Variants in EBF1 observed in about 807,000 individuals in gnomAD.
EBF1 encodes the protein transcription factor COE1.
A neutral mutation model predicts 68.4 loss-of-function variants in EBF1; 10 were observed. The ratio of observed to expected loss-of-function variants is 0.15; its 90% CI spans 0.09 to 0.25. EBF1 has a LOEUF of 0.25. EBF1 is among the 10% of genes least tolerant of loss of function. The probability of loss-of-function intolerance (pLI) is 1.00; values close to 1 mark genes in which losing one functional copy is unlikely to be tolerated. For missense variants in EBF1, 509 were observed against 794.4 expected, an observed-to-expected ratio of 0.64 and a Z score of 4.32; for synonymous variants, 298 against 299.8, an observed-to-expected ratio of 0.99 and a Z score of 0.06.
intron 5 of EBF1, among the ~76,000 whole-genome samples, chr5:159,075,252 C>T (rs1472253276): frequency 6.6e-6 from 1 of 152,142 alleles, no homozygotes; most frequent in Non-Finnish European, 1.5e-5. Flanking sequence ...TCACTAAAGC[C>T]ACAATGAAGC....
At chr5:158,769,929 C>T (rs188568120) in intron 10 of EBF1, among the ~76,000 whole-genome samples, 179 of 152,270 alleles carry the variant, frequency 1.2e-3, no homozygotes, top group Non-Finnish European at 2.1e-3. Flanking sequence ...GGCAGAGCTG[C>T]TAGTCAAGTA....
rs186919986 is a variant in EBF1 at position 158,850,477 on chromosome 5, A to G, written c.555-10367T>C. On this transcript the variant is annotated intron_variant, in intron 6 of 15. Transcript: ENST00000313708. ...ACCTCAGAAACTTGTCCTGGCAGAG[A>G]GAAAGTAGGAACTGTATGAAAATTT... Among the ~76,000 whole-genome samples, 6 of 152,322 alleles carry G rather than the reference A, an allele frequency of 3.9e-5. No homozygotes were observed. In the East Asian group the frequency reaches 1.2e-3, roughly 29 times the overall value.
intron 9 of EBF1, among the ~76,000 whole-genome samples, chr5:158,782,743 G>A (rs977883394): frequency 3.9e-5 from 6 of 152,020 alleles, no homozygotes; most frequent in African/African-American, 7.2e-5. Context: ...AATATTTCTG[G>A]AATAAATATT....
intron 6 of EBF1, among the ~76,000 whole-genome samples, chr5:158,844,205 T>TTTC (rs1790932831): frequency 6.6e-6 from 1 of 151,450 alleles, no homozygotes; most frequent in Non-Finnish European, 1.5e-5. Flanking sequence ...TTTTTTTTTT[T>TTTC]TGAGGGGGAA....
chr5:159,070,829 C>G (rs1777667389), intron 6 of EBF1, among the ~76,000 whole-genome samples: 1 of 152,094 alleles, frequency 6.6e-6, no homozygotes, highest in South Asian at 2.1e-4. Flanking sequence ...CCTATTTTCA[C>G]AAAATATTCA....
At chr5:159,008,769 T>A in intron 6 of EBF1, among the ~76,000 whole-genome samples, 1 of 152,154 alleles carries the variant, frequency 6.6e-6, no homozygotes, top group East Asian at 1.9e-4. Flanking sequence ...ACTCCTGACC[T>A]GACGTGATTC....
chr5:158,714,252 A>G lies in EBF1; in HGVS notation c.1126-70T>C, dbSNP rs2127494635. ...TGTCGTTATCTTTTGACATGATCAC[A>G]TTCCAGTCCCTCTGGCCATACTTTG... On this transcript the variant is annotated intron_variant, in intron 11 of 15. Transcript: ENST00000313708. 3 of 1,562,404 alleles carry G rather than the reference A, an allele frequency of 1.9e-6. No individual in the cohort carries two copies. In the Admixed American group the frequency reaches 5.0e-5, roughly 26 times the overall value.
At chr5:158,838,371 G>A (rs1002806862) in intron 7 of EBF1, among the ~76,000 whole-genome samples, 34 of 151,142 alleles carry the variant, frequency 2.2e-4, no homozygotes, top group Non-Finnish European at 4.0e-4. Flanking sequence ...GCATGAACCC[G>A]GGAGGCAGAG....
At chr5:158,926,637 T>C (rs761679239) in intron 6 of EBF1, among the ~76,000 whole-genome samples, 3 of 149,190 alleles carry the variant, frequency 2.0e-5, no homozygotes, top group Non-Finnish European at 3.0e-5. Flanking sequence ...GGCAGAAGAA[T>C]CGCTTGAACC....
intron 9 of EBF1, among the ~76,000 whole-genome samples, chr5:158,794,234 C>T (rs1779213957): frequency 6.6e-6 from 1 of 152,082 alleles, no homozygotes; most frequent in African/African-American, 2.4e-5. Flanking sequence ...AAGAGGGGCT[C>T]CTGGCACACA....
intron 7 of EBF1, among the ~76,000 whole-genome samples, chr5:158,826,226 G>A (rs74590973): frequency 0.052 from 7,980 of 152,012 alleles, 301 homozygotes; most frequent in Non-Finnish European, 0.082. Flanking sequence ...CAGATGATGA[G>A]AATACGAAGG....
chr5:158,739,971 A>G (rs1765961073), intron 10 of EBF1, among the ~76,000 whole-genome samples: 2 of 152,156 alleles, frequency 1.3e-5, no homozygotes, highest in East Asian at 1.9e-4. Flanking sequence ...CTTGTTTTCA[A>G]TCATGCTTGG....
chr5:158,712,828 A>G (rs887168503), intron 13 of EBF1, 142 bp downstream of exon 13: 1 of 819,670 alleles, frequency 1.2e-6, no homozygotes, highest in Middle Eastern at 3.8e-4. Context: ...CCAATATTGT[A>G]CAATAATATC....
chr5:159,030,152 C>T (rs1768484890), intron 6 of EBF1, among the ~76,000 whole-genome samples: 1 of 151,508 alleles, frequency 6.6e-6, no homozygotes, highest in Non-Finnish European at 1.5e-5. Context: ...AAACAAAGAA[C>T]ACAAAATTGT....
chr5:158,998,341 C>T (rs1425261742), intron 6 of EBF1, among the ~76,000 whole-genome samples: 2 of 152,150 alleles, frequency 1.3e-5, no homozygotes, highest in Non-Finnish European at 1.5e-5. Context: ...AAAACTGCCC[C>T]TACTCCGCAA....
intron 8 of EBF1, among the ~76,000 whole-genome samples, chr5:158,820,688 C>G (rs1784648781): frequency 6.6e-6 from 1 of 152,186 alleles, no homozygotes; most frequent in African/African-American, 2.4e-5. Flanking sequence ...ACCACTTACA[C>G]AGTGAAATGT....
intron 10 of EBF1, among the ~76,000 whole-genome samples, chr5:158,745,367 T>C (rs1255247878): frequency 6.6e-6 from 1 of 152,162 alleles, no homozygotes; most frequent in Non-Finnish European, 1.5e-5. Flanking sequence ...ATACCTACTG[T>C]GACGATAAAA....
At chr5:158,726,267 A>G (rs1444084281) in intron 11 of EBF1, among the ~76,000 whole-genome samples, 1 of 152,226 alleles carries the variant, frequency 6.6e-6, no homozygotes, top group Non-Finnish European at 1.5e-5. Flanking sequence ...TTGGGGACCT[A>G]GGAGGACAGC....
chr5:158,784,178 G>A (rs1314430414), intron 9 of EBF1, among the ~76,000 whole-genome samples: 2 of 152,178 alleles, frequency 1.3e-5, no homozygotes, highest in African/African-American at 4.8e-5. Context: ...GTATTATGGG[G>A]TAGGTATGAT....
Sources: gnomAD v4.1 joint callset for allele counts (sites outside exome capture counted in the v4.1 genomes callset) on GRCh38, gnomAD v4.1.1 for gene constraint, MANE v1.5 for transcripts, NCBI Gene and HGNC (gene_info 2026-07-23, HGNC 2026-07-21) for gene names.